Variants in CSMD1 observed in about 807,000 individuals in gnomAD.
The protein encoded by CSMD1 is CUB and Sushi multiple domains 1.
Under a neutral mutation model 417.5 loss-of-function variants are expected in CSMD1, and 213 were observed. The ratio of observed to expected loss-of-function variants is 0.51; its 90% confidence interval spans 0.46 to 0.57. The LOEUF is 0.57. Ranked by LOEUF, CSMD1 falls within the 20% of genes least tolerant of loss-of-function variation. The pLI is 0.00. For synonymous variants in CSMD1, 2,862 were observed against 1,736.8 expected (o/e 1.65, Z -16.11); for missense variants, 6,923 against 4,529.7 (o/e 1.53, Z -15.17).
At chr8:3,125,645 T>A (rs1259146897) in intron 41 of CSMD1, among the ~76,000 whole-genome samples, 1 of 152,234 alleles carries the variant, frequency 6.6e-6, no homozygotes, top group Non-Finnish European at 1.5e-5. Context: ...ATTCTCTCTA[T>A]TAGTTCTATA....
intron 10 of CSMD1, among the ~76,000 whole-genome samples, chr8:3,568,854 T>C (rs1184381805): frequency 1.3e-5 from 2 of 152,122 alleles, no homozygotes; most frequent in Non-Finnish European, 2.9e-5. Flanking sequence ...TATAAAATTA[T>C]TCAGTAGAAG....
In CSMD1 at chr8:4,812,212, G is replaced by A. The variant is rs112243807; in HGVS notation, c.86-174654C>T. ...GCTGTCTGTTCACTGCCTTGCCTAC[G>A]TCTCTAAGTGAGACACAACCAGTCG... On this transcript the variant is annotated intron_variant, in intron 1 of 69. Coordinates refer to ENST00000635120, the MANE Select transcript of CSMD1 (RefSeq NM_033225.6). 3.5e-3 allele frequency among the ~76,000 whole-genome samples: 531 copies of A among 152,232 alleles called. 9 individuals carry two copies. Among genetic ancestry groups the A allele is most frequent in the African/African-American group, 0.012 (494 of 41,546 alleles).
chr8:3,986,598 C>G (rs544349994), intron 5 of CSMD1, among the ~76,000 whole-genome samples: 5 of 151,972 alleles, frequency 3.3e-5, no homozygotes, highest in Non-Finnish European at 5.9e-5. Flanking sequence ...TTATTTTTTC[C>G]CAAGCCATGC....
chr8:3,549,413 T>C (rs1269858387), intron 10 of CSMD1, among the ~76,000 whole-genome samples: 2 of 152,238 alleles, frequency 1.3e-5, no homozygotes, highest in Non-Finnish European at 2.9e-5. Context: ...TGGGAGGCTA[T>C]GCTTTGAATG....
intron 3 of CSMD1, among the ~76,000 whole-genome samples, chr8:4,147,711 A>C (rs1209579732): frequency 6.6e-5 from 10 of 152,174 alleles, no homozygotes; most frequent in Non-Finnish European, 1.3e-4. Flanking sequence ...GTCAGGTTTC[A>C]GATGCAGACA....
At chr8:4,872,252 G>C (rs1802776766) in intron 1 of CSMD1, among the ~76,000 whole-genome samples, 1 of 152,028 alleles carries the variant, frequency 6.6e-6, no homozygotes, top group Non-Finnish European at 1.5e-5. Context: ...CTTTTTCTCT[G>C]TGTGTGTTTT....
intron 3 of CSMD1, among the ~76,000 whole-genome samples, chr8:4,126,251 C>T (rs1371892172): frequency 1.3e-5 from 2 of 152,106 alleles, no homozygotes; most frequent in African/African-American, 4.8e-5. Flanking sequence ...TCCAGTCTCC[C>T]ACACGACCGG....
chr8:3,667,889 C>T (rs1057330447), intron 7 of CSMD1, among the ~76,000 whole-genome samples: 6 of 152,094 alleles, frequency 3.9e-5, no homozygotes, highest in Non-Finnish European at 8.8e-5. Context: ...CAGCCAAGGC[C>T]AGATCATCAA....
At chr8:3,454,362 T>C (rs1306816042) in intron 12 of CSMD1, among the ~76,000 whole-genome samples, 1 of 152,224 alleles carries the variant, frequency 6.6e-6, no homozygotes, top group Non-Finnish European at 1.5e-5. Context: ...ATTATGATGT[T>C]AGCTGGTTAT....
In CSMD1 at chr8:4,423,543, T is replaced by TC. The variant is rs1158878814; in HGVS notation, c.303-3479dup. ...AAGTACACAACACTGAAGAAAAAGT[T>TC]CAAAGAAATGCTAAATAAATGGACA... On this transcript the variant is annotated intron_variant, in intron 2 of 69. Transcript: ENST00000635120. Among the ~76,000 whole-genome samples, 5 of 152,154 alleles carry TC rather than the reference T, an allele frequency of 3.3e-5. No individual in the cohort carries two copies. The East Asian group carries it at 9.7e-4, about 29-fold the overall frequency.
chr8:3,166,228 C>A (rs1054739635), intron 37 of CSMD1, among the ~76,000 whole-genome samples: 1 of 151,964 alleles, frequency 6.6e-6, no homozygotes, highest in Non-Finnish European at 1.5e-5. Context: ...TATGATAATT[C>A]TTATCACATC....
intron 26 of CSMD1, among the ~76,000 whole-genome samples, chr8:3,242,170 G>A (rs1452009390): frequency 6.6e-6 from 1 of 152,034 alleles, no homozygotes; most frequent in Non-Finnish European, 1.5e-5. Context: ...GGCAGGTGGG[G>A]GAGGGCTAGT....
At chr8:4,640,621 T>C (rs932705619) in intron 1 of CSMD1, among the ~76,000 whole-genome samples, 4 of 152,224 alleles carry the variant, frequency 2.6e-5, no homozygotes, top group African/African-American at 9.6e-5. Context: ...ATGTAAATGA[T>C]GTCCTTAAGT....
chr8:4,445,042 C>T (rs946582156), intron 2 of CSMD1, among the ~76,000 whole-genome samples: 1 of 152,230 alleles, frequency 6.6e-6, no homozygotes, highest in Non-Finnish European at 1.5e-5. Flanking sequence ...ATATTGAAAT[C>T]ACTGCACATT....
intron 5 of CSMD1, among the ~76,000 whole-genome samples, chr8:3,901,240 G>T (rs900846255): frequency 6.6e-6 from 1 of 152,126 alleles, no homozygotes; most frequent in South Asian, 2.1e-4. Context: ...GCTTAGTAAT[G>T]TTCTTTTCCA....
At chr8:4,629,345 C>G (rs527729382) in intron 2 of CSMD1, among the ~76,000 whole-genome samples, 1 of 152,278 alleles carries the variant, frequency 6.6e-6, no homozygotes, top group East Asian at 1.9e-4. Context: ...TGAAGGTATG[C>G]CCATTCAGAA....
intron 2 of CSMD1, among the ~76,000 whole-genome samples, chr8:4,485,041 T>C (rs1360012622): frequency 3.4e-5 from 5 of 146,646 alleles, no homozygotes; most frequent in African/African-American, 1.3e-4. Context: ...CTATGACATA[T>C]GGCTTTCTTC....
rs1199354890 is a variant in CSMD1 at position 4,312,435 on chromosome 8, A to ACG, written c.415+107517_415+107518insCG. ...TGTATATATATGCGCGTATATATAT[A>ACG]TGCGTATATATATACGTATATATAT... On this transcript the variant is annotated intron_variant, in intron 3 of 69. Coordinates refer to ENST00000635120, the MANE Select transcript of CSMD1 (RefSeq NM_033225.6). Among the ~76,000 whole-genome samples, 1,011 of 133,280 alleles carry ACG rather than the reference A, an allele frequency of 7.6e-3. 170 individuals are homozygous for ACG. Among genetic ancestry groups the ACG allele is most frequent in the African/African-American group, 0.034 (921 of 27,048 alleles). The allele number at this position is 133,280 out of a possible 152,430, so 87.4% of individuals were successfully genotyped here. A position where few individuals can be genotyped will look rare whatever the true frequency, so the allele number is the denominator to read the frequency against.
intron 2 of CSMD1, among the ~76,000 whole-genome samples, chr8:4,473,627 G>T (rs1319043978): frequency 6.6e-6 from 1 of 152,090 alleles, no homozygotes; most frequent in African/African-American, 2.4e-5. Flanking sequence ...ACCTAAACTT[G>T]GGGAGTTTAG....
Sources: allele counts gnomAD v4.1 joint callset (sites outside exome capture counted in the v4.1 genomes callset), GRCh38; gene constraint gnomAD v4.1.1; transcripts MANE v1.5; gene names NCBI Gene and HGNC (gene_info 2026-07-23, HGNC 2026-07-21).